Variants in NAV2 observed in about 807,000 individuals in gnomAD.
The protein encoded by NAV2 is neuron navigator 2, also known as helicase, APC down-regulated 1.
NAV2 carries 54 observed loss-of-function variants against 223.2 expected under a neutral mutation model. That is an observed-to-expected ratio of 0.24 (90% CI 0.19 to 0.30). The LOEUF is 0.30. NAV2 is among the 10% of genes least tolerant of loss of function. The pLI, the probability that NAV2 is intolerant of heterozygous loss-of-function variation, is 1.00. For synonymous variants in NAV2, 1,279 were observed against 1,239.3 expected, an observed-to-expected ratio of 1.03 and a Z score of -0.67; for missense variants, 2,806 against 3,147.5, an observed-to-expected ratio of 0.89 and a Z score of 2.60.
At chr11:19,916,870 G>A (rs2043851126) in intron 6 of NAV2, among the ~76,000 whole-genome samples, 1 of 152,250 alleles carries the variant, frequency 6.6e-6, no homozygotes, top group African/African-American at 2.4e-5. Context: ...TCCTAGAGGA[G>A]TGAGTTAAGT....
At position 20,055,787 on chromosome 11, in the gene NAV2, C is replaced by A. The variant is rs1278230778; in HGVS notation, c.4661C>A (p.Thr1554Asn). Residue 1554 changes from threonine to asparagine, a missense_variant, in exon 19 of 38, where the codon ACC becomes AAC. Coordinates refer to ENST00000349880, the MANE Select transcript of NAV2 (RefSeq NM_145117.5). ...ATTCCAGCGAGTCCCACCACTGTCACCCAGATGAGCTTGTCCAACCCGACC... is the reference window on the plus strand; with the variant it reads ...ATTCCAGCGAGTCCCACCACTGTCAACCAGATGAGCTTGTCCAACCCGACC... ...FSQLASPTTV[T>N]QMSLSNPTML... 6.2e-7 allele frequency: 1 copy of A among 1,614,080 alleles called. No individual in the cohort carries two copies. The highest frequency in any genetic ancestry group is 8.5e-7 in the Non-Finnish European group (1 of 1,179,968).
At chr11:19,509,464 T>C (rs1404920538) in intron 1 of NAV2, among the ~76,000 whole-genome samples, 1 of 152,184 alleles carries the variant, frequency 6.6e-6, no homozygotes, top group Non-Finnish European at 1.5e-5. Context: ...AATGTCTTGC[T>C]CAGCTTTTAC....
At chr11:19,865,236 A>G (rs927766245) in intron 3 of NAV2, among the ~76,000 whole-genome samples, 2 of 152,170 alleles carry the variant, frequency 1.3e-5, no homozygotes, top group Non-Finnish European at 2.9e-5. Context: ...CTTGTTAAAG[A>G]TGGGCACGAG....
chr11:19,559,467 C>T (rs922754168), intron 1 of NAV2, among the ~76,000 whole-genome samples: 4 of 152,142 alleles, frequency 2.6e-5, no homozygotes, highest in Admixed American at 2.6e-4. Flanking sequence ...TAAGGAAATG[C>T]CCAAGAAAGC....
chr11:19,621,452 A>G (rs2046992006), intron 1 of NAV2, among the ~76,000 whole-genome samples: 1 of 152,196 alleles, frequency 6.6e-6, no homozygotes, highest in Non-Finnish European at 1.5e-5. Context: ...TGGTCTATTC[A>G]GAGATTCAAC....
Position 19,461,471 on chromosome 11 carries a change from A to G in NAV2, c.75+110444A>G, listed in dbSNP as rs368951946. Among the ~76,000 whole-genome samples the G allele has an allele frequency of 4.5e-4, 68 of 152,322 alleles. 1 individual carries two copies. In the East Asian group the frequency reaches 0.01, roughly 22 times the overall value. On this transcript the variant is annotated intron_variant, in intron 1 of 37. Transcript: ENST00000360655. ...TAGGCATTAACGTGAGTTTCATTTC[A>G]CTTAAAATACTTAATAAGTTTCTAC... is the stretch of plus-strand genomic sequence containing the variant.
chr11:19,364,808 T>C (rs1212964288), intron 1 of NAV2, among the ~76,000 whole-genome samples: 1 of 152,240 alleles, frequency 6.6e-6, no homozygotes, highest in African/African-American at 2.4e-5. Flanking sequence ...AGGGATTTGC[T>C]TTACAGAAGA....
intron 11 of NAV2, 145 bp from the exon 12 acceptor site, chr11:20,035,814 T>G: frequency 1.2e-6 from 1 of 845,876 alleles, no homozygotes; most frequent in Non-Finnish European, 1.8e-6. Context: ...TGGAGATGAG[T>G]CACATCTGAG....
intron 1 of NAV2, among the ~76,000 whole-genome samples, chr11:19,361,785 G>A (rs1053886307): frequency 6.6e-6 from 1 of 152,006 alleles, no homozygotes; most frequent in South Asian, 2.1e-4. Flanking sequence ...CTTTGCCTAC[G>A]GTAATTGAAA....
At chr11:19,922,528 G>A (rs1255033173) in intron 6 of NAV2, among the ~76,000 whole-genome samples, 1 of 152,066 alleles carries the variant, frequency 6.6e-6, no homozygotes, top group East Asian at 1.9e-4. Flanking sequence ...AGTCACCTGG[G>A]GAGCTAGTTA....
chr11:19,737,233 GA>G (rs1175937142), intron 1 of NAV2, among the ~76,000 whole-genome samples: 1 of 152,194 alleles, frequency 6.6e-6, no homozygotes, highest in Non-Finnish European at 1.5e-5. Context: ...ACTGGAAAGA[GA>G]CTTAGAGAAT....
At chr11:20,053,980 G>T in intron 17 of NAV2, 100 bp from the exon 18 acceptor site, 1 of 1,224,204 alleles carries the variant, frequency 8.2e-7, no homozygotes, top group Non-Finnish European at 1.1e-6. Flanking sequence ...ATCATCTTCG[G>T]ATATATGTTT....
intron 11 of NAV2, among the ~76,000 whole-genome samples, chr11:19,995,118 T>C (rs2051742763): frequency 6.6e-6 from 1 of 152,210 alleles, no homozygotes; most frequent in Non-Finnish European, 1.5e-5. Context: ...ACTAGTGAAT[T>C]ACCTTGGGCA....
Position 19,460,727 on chromosome 11 carries a change from T to G in NAV2, c.75+109700T>G, listed in dbSNP as rs142228320. Among the ~76,000 whole-genome samples, 719 of 152,088 alleles carry G rather than the reference T, an allele frequency of 4.7e-3. 6 individuals carry two copies. The highest frequency in any genetic ancestry group is 6.0e-3 in the Non-Finnish European group (410 of 67,968). On this transcript the variant is annotated intron_variant, in intron 1 of 37. Coordinates refer to the NAV2 transcript ENST00000360655. ...GGGTGCAGCACACCAACATGGCACATGTATACATATGTAACAAACCTGCAT... is the reference window on the plus strand; with the variant it reads ...GGGTGCAGCACACCAACATGGCACAGGTATACATATGTAACAAACCTGCAT...
At chr11:19,965,360 C>A (rs2048685421) in intron 10 of NAV2, among the ~76,000 whole-genome samples, 1 of 152,170 alleles carries the variant, frequency 6.6e-6, no homozygotes, top group African/African-American at 2.4e-5. Context: ...TTCCCCCAAA[C>A]CTGTTTTTCT....
At chr11:19,909,654 G>C (rs188454399) in intron 6 of NAV2, among the ~76,000 whole-genome samples, 77 of 152,250 alleles carry the variant, frequency 5.1e-4, no homozygotes, top group Admixed American at 1.6e-3. Flanking sequence ...GGGTCCTGTG[G>C]AATCTCTCTG....
At chr11:19,395,544 A>C (rs1273016736) in intron 1 of NAV2, among the ~76,000 whole-genome samples, 1 of 152,222 alleles carries the variant, frequency 6.6e-6, no homozygotes, top group Non-Finnish European at 1.5e-5. Context: ...CCAAGGAGAC[A>C]TCATCTTTGC....
chr11:19,506,990 C>G (rs1181201759), intron 1 of NAV2: 1 of 152,176 alleles, frequency 6.6e-6, no homozygotes, highest in African/African-American at 2.4e-5. Context: ...CAATGCCTGC[C>G]TTACACTTAC....
intron 1 of NAV2, among the ~76,000 whole-genome samples, chr11:19,785,234 G>T (rs1463847344): frequency 2.0e-5 from 3 of 152,238 alleles, no homozygotes; most frequent in Non-Finnish European, 2.9e-5. Context: ...TCACAGTAGA[G>T]GAAGGAAGGA....
Sources: gnomAD v4.1 joint callset for allele counts (sites outside exome capture counted in the v4.1 genomes callset) on GRCh38, gnomAD v4.1.1 for gene constraint, MANE v1.5 for transcripts, NCBI Gene and HGNC (gene_info 2026-07-23, HGNC 2026-07-21) for gene names.